The following CFAP69 variants were observed in gnomAD, a reference collection of about 807,000 sequenced individuals.
CFAP69 encodes cilia- and flagella-associated protein 69.
In CFAP69, 92 loss-of-function variants were observed where a neutral mutation model predicts 123.0. The observed-to-expected ratio is 0.75, with a 90% confidence interval of 0.63 to 0.89. CFAP69 has a LOEUF of 0.89. Among genes scored for constraint, CFAP69 ranks in the 40% least tolerant of loss-of-function variants. The pLI is 0.00. For synonymous variants in CFAP69, 380 were observed against 364.3 expected, an observed-to-expected ratio of 1.04 and a Z score of -0.49; for missense variants, 1,067 against 1,096.9, an observed-to-expected ratio of 0.97 and a Z score of 0.39.
intron 19 of CFAP69, among the ~76,000 whole-genome samples, chr7:90,305,209 C>A (rs1045066500): frequency 2.6e-5 from 4 of 151,082 alleles, no homozygotes; most frequent in Non-Finnish European, 5.9e-5. Flanking sequence ...GATGTGGTGG[C>A]GGGCGCCTAT....
At chr7:90,255,299 C>T (rs987070460) in intron 1 of CFAP69, 124 bp from the exon 2 acceptor site, 9 of 652,828 alleles carry the variant, frequency 1.4e-5, no homozygotes, top group Non-Finnish European at 2.3e-5. Flanking sequence ...TCTCCCCTTA[C>T]TATCGTAGTG....
downstream of CFAP69, among the ~76,000 whole-genome samples, chr7:90,314,599 C>A (rs1380621705): frequency 7.5e-5 from 11 of 147,344 alleles, no homozygotes; most frequent in Admixed American, 2.7e-4. Context: ...ACTGACAGAG[C>A]AAGACCCTGC....
rs28947508 is a variant in CFAP69, at chr7:90,283,159, A to T, written c.1537+103A>T. 8.8e-4 allele frequency: 725 copies of T among 820,648 alleles called. 8 individuals are homozygous for T. In the East Asian group the frequency reaches 0.022, roughly 25 times the overall value. The allele number at this position is 820,648 out of a possible 1,614,324, so 50.8% of individuals were successfully genotyped here. A position where few individuals can be genotyped will look rare whatever the true frequency, so the allele number is the denominator to read the frequency against. On this transcript the variant is annotated intron_variant, in intron 13 of 22. Transcript: ENST00000389297. ...AAAATTTATTTTGTCTTTATGACTGAGAAATTCCTGAATATTTTCTTGATT... is the reference window on the plus strand; with the variant it reads ...AAAATTTATTTTGTCTTTATGACTGTGAAATTCCTGAATATTTTCTTGATT...
At chr7:90,303,061 T>C (rs954146385) in intron 17 of CFAP69, 1 of 152,164 alleles carries the variant, frequency 6.6e-6, no homozygotes, top group Non-Finnish European at 1.5e-5. Flanking sequence ...TCCTAGGTAT[T>C]TTATTCTTTT....
intron 4 of CFAP69, among the ~76,000 whole-genome samples, chr7:90,264,626 C>G (rs1562856148): frequency 6.6e-6 from 1 of 152,000 alleles, no homozygotes. Flanking sequence ...ATAATTATAG[C>G]TATAATTTAT....
At chr7:90,260,843 C>T (rs7801439) in intron 3 of CFAP69, among the ~76,000 whole-genome samples, 152,044 of 152,210 alleles carry the variant, frequency 1, 75,940 homozygotes, top group Middle Eastern at 1. Context: ...CTAAATCCCT[C>T]TCATAGGCTG....
At chr7:90,273,875 C>CA in intron 8 of CFAP69, 112 bp from the exon 9 acceptor site, 1 of 783,074 alleles carries the variant, frequency 1.3e-6, no homozygotes, top group Non-Finnish European at 1.9e-6. Flanking sequence ...CCTAAGGCCT[C>CA]ACTCCTAAAA....
chr7:90,262,190 A>G, intron 4 of CFAP69, 134 bp downstream of exon 4: 2 of 553,326 alleles, frequency 3.6e-6, no homozygotes, highest in South Asian at 4.9e-5. Context: ...TCATCACTTG[A>G]TTCCAGCAGT....
rs1165222104 is a variant in CFAP69, at chr7:90,264,091, G to GAAAAAAAA, written c.357-1203_357-1196dup. Among the ~76,000 whole-genome samples the GAAAAAAAA allele has an allele frequency of 1.1e-4, 2 of 17,992 alleles. 1 individual carries two copies. Among genetic ancestry groups the GAAAAAAAA allele is most frequent in the African/African-American group, 5.0e-4 (2 of 3,994 alleles). The allele number at this position is 17,992 out of a possible 152,430, so 11.8% of individuals were successfully genotyped here. On this transcript the variant is annotated intron_variant, in intron 4 of 22. Coordinates refer to ENST00000389297, the MANE Select transcript of CFAP69 (RefSeq NM_001039706.3). ...GGGCGACAGAGCAAGACTCCATCTC[G>GAAAAAAAA]AAAAAAAAAAAAAATATATATATAT...
chr7:90,260,144 C>T (rs1798129954), intron 3 of CFAP69, among the ~76,000 whole-genome samples: 1 of 152,132 alleles, frequency 6.6e-6, no homozygotes, highest in East Asian at 1.9e-4. Context: ...TGACCCAAGA[C>T]AATTCTTCTT....
intron 17 of CFAP69, chr7:90,300,324 T>C (rs1792608845): frequency 1.1e-6 from 1 of 913,604 alleles, no homozygotes; most frequent in Admixed American, 5.8e-5. Context: ...AAGTAGTTCC[T>C]AAAGATGCTT....
intron 3 of CFAP69, among the ~76,000 whole-genome samples, chr7:90,260,424 G>T (rs897105678): frequency 2.6e-5 from 4 of 152,112 alleles, no homozygotes; most frequent in Admixed American, 1.3e-4. Context: ...AGAGGCTGAG[G>T]CTGAGGTGGA....
Position 90,268,444 on chromosome 7 carries a change from A to G in CFAP69, c.532+60A>G, listed in dbSNP as rs971055429. 3.2e-6 allele frequency: 4 copies of G among 1,257,830 alleles called. No individual in the cohort carries two copies. The South Asian group carries it at 3.9e-5, about 12-fold the overall frequency. The allele number at this position is 1,257,830 out of a possible 1,614,324, so 77.9% of individuals were successfully genotyped here. The stretch of plus-strand genomic sequence containing the variant: ...TGTATGTAGAAAACAGAACATTCTC[A>G]TATCTCTTTGAATTTGACAGACACA... On this transcript the variant is annotated intron_variant, in intron 6 of 22. Coordinates refer to ENST00000389297, the MANE Select transcript of CFAP69 (RefSeq NM_001039706.3).
chr7:90,251,491 G>A (rs1004267573), intron 1 of CFAP69, among the ~76,000 whole-genome samples: 3 of 152,188 alleles, frequency 2.0e-5, no homozygotes, highest in African/African-American at 4.8e-5. Context: ...TTGTTGGCCA[G>A]AGTTATTTTG....
chr7:90,245,358 C>T lies in CFAP69; in HGVS notation c.-67C>T. On this transcript the variant is annotated 5_prime_UTR_variant, in exon 1 of 23. Coordinates refer to ENST00000389297, the MANE Select transcript of CFAP69 (RefSeq NM_001039706.3). ...TTCTCGGTGGCGGGGCCTCTTTGGG[C>T]CCAGCGGCTGCGGGCGCACTGTAGG... 2.1e-6 allele frequency: 3 copies of T among 1,439,818 alleles called. No homozygotes were observed. The highest frequency in any genetic ancestry group is 2.9e-5 in the Admixed American group (1 of 34,702). 89.2% of individuals were successfully genotyped at this position (1,439,818 alleles called of 1,614,324 possible). A position where few individuals can be genotyped will look rare whatever the true frequency, so the allele number is the denominator to read the frequency against.
At chr7:90,258,042 T>A (rs1022734674) in intron 2 of CFAP69, 56 bp from the exon 3 acceptor site, 12 of 1,282,188 alleles carry the variant, frequency 9.4e-6, no homozygotes, top group African/African-American at 4.5e-5. Flanking sequence ...AAGAATTTTT[T>A]AAAATCTCAA....
chr7:90,317,707 TG>T, the CFAP69 span: 2 of 152,168 alleles, frequency 1.3e-5, no homozygotes, highest in African/African-American at 4.8e-5. Flanking sequence ...AATTTGAAAG[TG>T]GTCAATAATG....
intron 3 of CFAP69, among the ~76,000 whole-genome samples, chr7:90,259,208 T>C (rs1482114218): frequency 6.6e-6 from 1 of 151,388 alleles, no homozygotes; most frequent in Non-Finnish European, 1.5e-5. Context: ...AGGCTAGGAG[T>C]TCAAGACCAG....
intron 21 of CFAP69, 121 bp downstream of exon 21, chr7:90,307,975 A>G (rs975260770): frequency 5.3e-6 from 3 of 570,048 alleles, no homozygotes; most frequent in South Asian, 2.5e-5. Flanking sequence ...TACCAGCACT[A>G]TTAGATGCTC....
Sources: allele counts gnomAD v4.1 joint callset (sites outside exome capture counted in the v4.1 genomes callset), GRCh38; gene constraint gnomAD v4.1.1; transcripts MANE v1.5; gene names NCBI Gene and HGNC (gene_info 2026-07-23, HGNC 2026-07-21).